USP53: variants seen among roughly 807,000 people sequenced by gnomAD.
USP53 encodes the protein ubiquitin carboxyl-terminal hydrolase 53.
A neutral mutation model predicts 94.9 loss-of-function variants in USP53; 71 were observed. The ratio of observed to expected loss-of-function variants is 0.75; its 90% confidence interval spans 0.62 to 0.91. The LOEUF (loss-of-function observed/expected upper bound fraction) is 0.91. Ranked by LOEUF, USP53 falls within the 40% of genes least tolerant of loss-of-function variation. The pLI, the probability that USP53 is intolerant of heterozygous loss-of-function variation, is 0.00. For missense variants in USP53, 1,173 were observed against 1,281.0 expected (o/e 0.92, Z 1.29); for synonymous variants, 375 against 422.7 (o/e 0.89, Z 1.39).
intron 3 of USP53, among the ~76,000 whole-genome samples, chr4:119,231,341 T>G (rs1746051107): frequency 6.6e-6 from 1 of 152,284 alleles, no homozygotes; most frequent in African/African-American, 2.4e-5. Flanking sequence ...ATTTCTGGAG[T>G]ATAGATTCTC....
chr4:119,292,624 C>T lies in USP53; in HGVS notation c.2635C>T (p.Leu879Phe). 1 of 1,614,086 alleles carries T rather than the reference C, an allele frequency of 6.2e-7. No homozygotes were observed. The highest frequency in any genetic ancestry group is 8.5e-7 in the Non-Finnish European group (1 of 1,179,956). Reference protein sequence around the residue: ...TVGLKPETAPLIQQQNIMDQC... With the variant: ...TVGLKPETAPFIQQQNIMDQC... Reference sequence around the variant, plus strand: ...TGGGTTAAAGCCAGAAACTGCTCCTCTCATCCAGCAACAAAATATCATGGA... The same window carrying T: ...TGGGTTAAAGCCAGAAACTGCTCCTTTCATCCAGCAACAAAATATCATGGA... Residue 879 changes from leucine to phenylalanine, a missense_variant, in exon 19 of 19, where the codon CTC (leucine) becomes TTC (phenylalanine). Transcript: ENST00000692078.
At chr4:119,273,746 A>T in intron 17 of USP53, 38 bp downstream of exon 17, 1 of 1,518,198 alleles carries the variant, frequency 6.6e-7, no homozygotes, top group Non-Finnish European at 9.0e-7. Context: ...TGCTGTAAAA[A>T]ATGAATTATA....
At chr4:119,276,427 C>T (rs1452646126) in intron 17 of USP53, among the ~76,000 whole-genome samples, 2 of 151,300 alleles carry the variant, frequency 1.3e-5, no homozygotes, top group African/African-American at 4.8e-5. Flanking sequence ...ATTGAACCAG[C>T]CTTGCATCCC....
Position 119,261,794 on chromosome 4 carries a change from A to G in USP53, c.902A>G (p.His301Arg). 1 of 1,531,462 alleles carries G rather than the reference A, an allele frequency of 6.5e-7. No homozygotes were observed. The highest frequency in any genetic ancestry group is 8.9e-7 in the Non-Finnish European group (1 of 1,123,210). 94.9% of individuals were successfully genotyped at this position (1,531,462 alleles called of 1,614,324 possible). ...GGTATGATCTGCTACACCAGCCAACATTATTGTGCCTTTGCATTTCACACC... is the reference window on the plus strand; with the variant it reads ...GGTATGATCTGCTACACCAGCCAACGTTATTGTGCCTTTGCATTTCACACC... ...LVGMICYTSQ[H>R]YCAFAFHTKS... The change falls in exon 12 of 19, where the codon CAT becomes CGT. Residue 301 changes from histidine to arginine, a missense_variant. Transcript: ENST00000692078.
intron 7 of USP53, among the ~76,000 whole-genome samples, chr4:119,255,296 G>A (rs1418366104): frequency 6.6e-6 from 1 of 152,200 alleles, no homozygotes; most frequent in Non-Finnish European, 1.5e-5. Context: ...TGCAGAAGCT[G>A]TCTGCTGCCT....
intron 12 of USP53, among the ~76,000 whole-genome samples, chr4:119,263,053 AATTCT>A (rs1200050675): frequency 2.0e-5 from 3 of 152,214 alleles, no homozygotes; most frequent in Non-Finnish European, 4.4e-5. Context: ...AATGATGTAG[AATTCT>A]ATTTAGTTCC....
intron 9 of USP53, among the ~76,000 whole-genome samples, chr4:119,256,974 G>A (rs1005865608): frequency 1.3e-5 from 2 of 152,134 alleles, no homozygotes; most frequent in African/African-American, 4.8e-5. Context: ...TATTGCATTT[G>A]AGGACTCATC....
intron 3 of USP53, chr4:119,220,289 AAG>A (rs1288745052): frequency 6.6e-6 from 1 of 152,112 alleles, no homozygotes; most frequent in Admixed American, 6.5e-5. Context: ...TATACTAAAA[AAG>A]AGGGAAATTG....
chr4:119,285,157 A>C (rs951630880), intron 17 of USP53, among the ~76,000 whole-genome samples: 1 of 151,854 alleles, frequency 6.6e-6, no homozygotes, highest in African/African-American at 2.4e-5. Flanking sequence ...AGAAGGAAAC[A>C]AGGTAAAGAC....
At chr4:119,280,136 C>A (rs1001602405) in intron 17 of USP53, among the ~76,000 whole-genome samples, 2 of 152,076 alleles carry the variant, frequency 1.3e-5, no homozygotes, top group African/African-American at 4.8e-5. Flanking sequence ...CCGTTTGCAG[C>A]CTTTTTTCAT....
intron 7 of USP53, among the ~76,000 whole-genome samples, chr4:119,252,321 T>G (rs1165761971): frequency 6.6e-6 from 1 of 152,166 alleles, no homozygotes. Context: ...CCAGCTCCTC[T>G]TTGTACCTCT....
intron 17 of USP53, among the ~76,000 whole-genome samples, chr4:119,275,399 G>C (rs1179949090): frequency 7.9e-6 from 1 of 126,814 alleles, no homozygotes; most frequent in African/African-American, 2.8e-5. Context: ...TCAAAGATCA[G>C]ATAGTTCTAG....
chr4:119,247,999 A>G (rs890470291), intron 6 of USP53, among the ~76,000 whole-genome samples: 2 of 152,066 alleles, frequency 1.3e-5, no homozygotes, highest in African/African-American at 4.8e-5. Flanking sequence ...TTGAGATGAC[A>G]TGACCCTTTG....
chr4:119,243,846 A>G (rs1239819812), intron 5 of USP53, among the ~76,000 whole-genome samples: 1 of 142,502 alleles, frequency 7.0e-6, no homozygotes, highest in Admixed American at 7.0e-5. Flanking sequence ...CTGAGAAGGA[A>G]AGTTATTTAA....
At chr4:119,264,022 G>A (rs950723761) in intron 12 of USP53, among the ~76,000 whole-genome samples, 3 of 152,140 alleles carry the variant, frequency 2.0e-5, no homozygotes, top group African/African-American at 4.8e-5. Context: ...CCGAGATCGC[G>A]CCACTGCACT....
chr4:119,279,215 T>TC (rs1426006643), intron 17 of USP53, among the ~76,000 whole-genome samples: 17 of 128,366 alleles, frequency 1.3e-4, no homozygotes, highest in East Asian at 2.4e-4. Context: ...TTCTGTTTTT[T>TC]CCCCATCTTT....
At chr4:119,267,825 C>A (rs186125510) in intron 13 of USP53, among the ~76,000 whole-genome samples, 1 of 152,310 alleles carries the variant, frequency 6.6e-6, no homozygotes, top group East Asian at 1.9e-4. Context: ...ATTCAAAATT[C>A]TTAAATGATG....
chr4:119,274,035 G>A (rs114096635), intron 17 of USP53, among the ~76,000 whole-genome samples: 1,758 of 141,866 alleles, frequency 0.012, 31 homozygotes, highest in African/African-American at 0.039. Flanking sequence ...TTTGAAGTTT[G>A]CAGCCTTTTT....
intron 9 of USP53, among the ~76,000 whole-genome samples, chr4:119,257,848 CA>C (rs1158005601): frequency 2.0e-5 from 3 of 152,006 alleles, no homozygotes; most frequent in African/African-American, 4.8e-5. Flanking sequence ...GGATGGTGTT[CA>C]AAGATAGACA....
Sources: allele counts gnomAD v4.1 joint callset (sites outside exome capture counted in the v4.1 genomes callset), GRCh38; gene constraint gnomAD v4.1.1; transcripts MANE v1.5; gene names NCBI Gene and HGNC (gene_info 2026-07-23, HGNC 2026-07-21).